Variants in NCK1 observed in about 807,000 individuals in gnomAD.
NCK1 encodes NCK adaptor protein 1.
In NCK1, 19 loss-of-function variants were observed where a neutral mutation model predicts 36.6. The ratio of observed to expected loss-of-function variants is 0.52; its 90% CI spans 0.36 to 0.76. The LOEUF is 0.76. Among genes scored for constraint, NCK1 ranks in the 30% least tolerant of loss-of-function variants. NCK1 has a pLI of 0.00. For missense variants in NCK1, 358 were observed against 445.6 expected (o/e 0.80, Z 1.77); for synonymous variants, 165 against 156.0 (o/e 1.06, Z -0.43).
intron 1 of NCK1, among the ~76,000 whole-genome samples, chr3:136,864,851 G>A (rs1311280243): frequency 2.7e-5 from 4 of 149,516 alleles, no homozygotes; most frequent in South Asian, 4.2e-4. Context: ...TCTGCCTCCC[G>A]GGTTCAATCG....
At chr3:136,944,223 A>T (rs1053236528) in intron 2 of NCK1, among the ~76,000 whole-genome samples, 8 of 146,648 alleles carry the variant, frequency 5.5e-5, no homozygotes, top group Non-Finnish European at 1.2e-4. Flanking sequence ...GGTTCAAACG[A>T]TTCTCCTGCC....
chr3:136,906,861 T>G (rs960241693), intron 1 of NCK1, among the ~76,000 whole-genome samples: 17 of 152,112 alleles, frequency 1.1e-4, no homozygotes, highest in Non-Finnish European at 2.2e-4. Context: ...ACAGTGGTGG[T>G]CTATGCTAGG....
At chr3:136,889,665 A>G (rs1939181387) in intron 1 of NCK1, among the ~76,000 whole-genome samples, 1 of 152,016 alleles carries the variant, frequency 6.6e-6, no homozygotes, top group African/African-American at 2.4e-5. Context: ...TGCGTTTACA[A>G]TCCCTGAGCT....
intron 1 of NCK1, among the ~76,000 whole-genome samples, chr3:136,880,259 G>A (rs531875460): frequency 6.6e-6 from 1 of 151,846 alleles, no homozygotes; most frequent in East Asian, 1.9e-4. Flanking sequence ...CACTCCAGCC[G>A]GGGTGACAGA....
intron 1 of NCK1, among the ~76,000 whole-genome samples, chr3:136,878,531 GGA>G (rs1938838306): frequency 6.6e-6 from 1 of 152,124 alleles, no homozygotes; most frequent in African/African-American, 2.4e-5. Context: ...TGGGAGTAGG[GGA>G]GGTTAGAGGG....
At chr3:136,922,703 T>G (rs1375443850) in intron 1 of NCK1, among the ~76,000 whole-genome samples, 1 of 152,242 alleles carries the variant, frequency 6.6e-6, no homozygotes, top group East Asian at 1.9e-4. Context: ...GGCAAGGCTG[T>G]GGGGAAATAA....
chr3:136,919,469 G>A (rs552553472), intron 1 of NCK1, among the ~76,000 whole-genome samples: 4 of 152,096 alleles, frequency 2.6e-5, no homozygotes, highest in South Asian at 2.1e-4. Flanking sequence ...ATTTCATGTA[G>A]CCTCTGGAAT....
At chr3:136,941,578 A>C (rs1358966818) in intron 2 of NCK1, among the ~76,000 whole-genome samples, 1 of 151,982 alleles carries the variant, frequency 6.6e-6, no homozygotes, top group Non-Finnish European at 1.5e-5. Context: ...ACTATGCATA[A>C]CTCTGCTCCT....
intron 2 of NCK1, among the ~76,000 whole-genome samples, chr3:136,938,869 A>G (rs997669746): frequency 9.2e-5 from 14 of 152,240 alleles, no homozygotes; most frequent in Non-Finnish European, 1.6e-4. Flanking sequence ...TTTATAGAAC[A>G]TAACTACTGC....
intron 1 of NCK1, among the ~76,000 whole-genome samples, chr3:136,921,797 T>A (rs1940117176): frequency 6.6e-6 from 1 of 152,182 alleles, no homozygotes; most frequent in East Asian, 1.9e-4. Context: ...TTTTTTGTTT[T>A]GTTTTGAGAC....
intron 2 of NCK1, among the ~76,000 whole-genome samples, chr3:136,941,948 C>T (rs988017313): frequency 2.6e-5 from 4 of 152,184 alleles, no homozygotes; most frequent in Non-Finnish European, 4.4e-5. Context: ...AAGCAATTCT[C>T]CTGCCTCAGC....
intron 1 of NCK1, among the ~76,000 whole-genome samples, chr3:136,893,176 GTGTATA>G (rs1939295763): frequency 8.7e-5 from 2 of 22,886 alleles, no homozygotes; most frequent in Non-Finnish European, 2.0e-4. Context: ...GTGTGTGTGT[GTGTATA>G]TATATATATA....
chr3:136,910,562 A>G (rs926896776), intron 1 of NCK1, among the ~76,000 whole-genome samples: 4 of 152,212 alleles, frequency 2.6e-5, no homozygotes, highest in African/African-American at 7.2e-5. Flanking sequence ...TTTACTTTAT[A>G]TAGCTTCAAA....
At chr3:136,923,519 C>T (rs932846919) in intron 1 of NCK1, among the ~76,000 whole-genome samples, 1 of 151,696 alleles carries the variant, frequency 6.6e-6, no homozygotes, top group African/African-American at 2.4e-5. Flanking sequence ...CGCTCCACTG[C>T]ACTCCAGCCT....
intron 1 of NCK1, among the ~76,000 whole-genome samples, chr3:136,866,739 G>C (rs547792915): frequency 6.6e-6 from 1 of 150,762 alleles, no homozygotes; most frequent in South Asian, 2.1e-4. Context: ...TCAGTCTTCC[G>C]AGTAGCTAGG....
At chr3:136,903,658 C>T (rs552898302) in intron 1 of NCK1, among the ~76,000 whole-genome samples, 42 of 152,304 alleles carry the variant, frequency 2.8e-4, no homozygotes, top group African/African-American at 9.6e-4. Flanking sequence ...CCCCTGACCT[C>T]AGGTGATCCA....
intron 2 of NCK1, among the ~76,000 whole-genome samples, chr3:136,945,128 C>T (rs935865445): frequency 2.0e-5 from 3 of 152,312 alleles, no homozygotes; most frequent in Non-Finnish European, 2.9e-5. Context: ...TATTGCATAT[C>T]ATATTCTGAT....
intron 1 of NCK1, among the ~76,000 whole-genome samples, chr3:136,915,592 A>G (rs777366673): frequency 6.6e-6 from 1 of 152,204 alleles, no homozygotes; most frequent in Non-Finnish European, 1.5e-5. Context: ...TCACGTTGCT[A>G]TAAATAACTA....
intron 2 of NCK1, among the ~76,000 whole-genome samples, chr3:136,941,830 T>C (rs1024237485): frequency 9.2e-5 from 14 of 152,194 alleles, no homozygotes; most frequent in Admixed American, 5.2e-4. Context: ...CATTTTAGCC[T>C]GGAGGATTCT....
Sources: allele counts gnomAD v4.1 joint callset (sites outside exome capture counted in the v4.1 genomes callset), GRCh38; gene constraint gnomAD v4.1.1; transcripts MANE v1.5; gene names NCBI Gene and HGNC (gene_info 2026-07-23, HGNC 2026-07-21).